Variants in KCNB2 observed in about 807,000 individuals in gnomAD.
The protein encoded by KCNB2 is potassium voltage-gated channel subfamily B member 2.
Under a neutral mutation model 61.5 loss-of-function variants are expected in KCNB2, and 15 were observed. The ratio of observed to expected loss-of-function variants is 0.24; its 90% CI spans 0.16 to 0.38. The LOEUF (loss-of-function observed/expected upper bound fraction) is 0.38. KCNB2 is among the 10% of genes least tolerant of loss of function. The pLI is 1.00. For missense variants in KCNB2, 828 were observed against 1,125.2 expected (o/e 0.74, Z 3.78); for synonymous variants, 457 against 446.0 (o/e 1.02, Z -0.31).
intron 2 of KCNB2, among the ~76,000 whole-genome samples, chr8:72,796,193 TG>T (rs1809028572): frequency 6.6e-6 from 1 of 152,282 alleles, no homozygotes; most frequent in South Asian, 2.1e-4. Context: ...TGTTCAGGTT[TG>T]TTTGTCGTGG....
intron 2 of KCNB2, among the ~76,000 whole-genome samples, chr8:72,725,529 ATATATATATATG>A (rs756639328): frequency 0.052 from 4,304 of 82,302 alleles, 233 homozygotes; most frequent in South Asian, 0.14. Flanking sequence ...ATATATATAT[ATATATATATATG>A]TGTGTATATA....
intron 2 of KCNB2, among the ~76,000 whole-genome samples, chr8:72,627,226 C>A (rs148810928): frequency 6.6e-6 from 1 of 152,124 alleles, no homozygotes; most frequent in Non-Finnish European, 1.5e-5. Context: ...GAAGAGGATG[C>A]AAAAACTTGA....
chr8:72,546,290 T>C (rs1270655950), intron 1 of KCNB2, among the ~76,000 whole-genome samples: 1 of 151,908 alleles, frequency 6.6e-6, no homozygotes, highest in Non-Finnish European at 1.5e-5. Context: ...CCGAGGCAGG[T>C]GGATCACAAG....
intron 2 of KCNB2, among the ~76,000 whole-genome samples, chr8:72,885,639 T>A (rs145388459): frequency 0.015 from 2,228 of 152,280 alleles, 53 homozygotes; most frequent in African/African-American, 0.05. Flanking sequence ...GTATTAGTAG[T>A]TATATCCACT....
chr8:72,637,469 CAG>C (rs775415427), intron 2 of KCNB2, among the ~76,000 whole-genome samples: 22 of 152,064 alleles, frequency 1.4e-4, no homozygotes, highest in Non-Finnish European at 2.8e-4. Context: ...CCTTTTCTAT[CAG>C]ATGATCTCTA....
At chr8:72,894,312 G>A (rs1275166971) in intron 2 of KCNB2, among the ~76,000 whole-genome samples, 2 of 152,130 alleles carry the variant, frequency 1.3e-5, no homozygotes, top group Non-Finnish European at 2.9e-5. Flanking sequence ...CAAGGTGGAG[G>A]GGGAAGGAGA....
intron 2 of KCNB2, among the ~76,000 whole-genome samples, chr8:72,858,025 A>G (rs1810235117): frequency 6.6e-6 from 1 of 152,208 alleles, no homozygotes; most frequent in Non-Finnish European, 1.5e-5. Flanking sequence ...TAGAGTTAAA[A>G]TAGAGTTAGT....
intron 2 of KCNB2, among the ~76,000 whole-genome samples, chr8:72,617,463 A>G (rs1365022943): frequency 6.6e-6 from 1 of 152,144 alleles, no homozygotes; most frequent in Non-Finnish European, 1.5e-5. Flanking sequence ...AACTCCAGAG[A>G]GACCTGAAGA....
At chr8:72,883,654 C>G (rs72653533) in intron 2 of KCNB2, among the ~76,000 whole-genome samples, 50,781 of 151,982 alleles carry the variant, frequency 0.33, 9,142 homozygotes, top group Admixed American at 0.41. Flanking sequence ...CCCCCAGTAT[C>G]CCTCCCCAAT....
At chr8:72,722,505 C>T (rs1807567808) in intron 2 of KCNB2, among the ~76,000 whole-genome samples, 1 of 152,210 alleles carries the variant, frequency 6.6e-6, no homozygotes, top group African/African-American at 2.4e-5. Context: ...GCTCAGACTG[C>T]TCTTACCACT....
chr8:72,905,144 T>C (rs928204792), intron 2 of KCNB2, among the ~76,000 whole-genome samples: 2 of 152,194 alleles, frequency 1.3e-5, no homozygotes, highest in African/African-American at 2.4e-5. Flanking sequence ...TAAAAGTTTA[T>C]CAAAATCTCT....
intron 2 of KCNB2, among the ~76,000 whole-genome samples, chr8:72,689,295 A>T (rs779808755): frequency 4.6e-5 from 7 of 152,236 alleles, no homozygotes; most frequent in Non-Finnish European, 1.0e-4. Context: ...GGTGGAAATG[A>T]ATAGACACAC....
chr8:72,935,027 A>G (rs970126815), intron 2 of KCNB2, among the ~76,000 whole-genome samples: 2 of 152,122 alleles, frequency 1.3e-5, no homozygotes, highest in African/African-American at 4.8e-5. Context: ...TGTAATTTTT[A>G]TAACAGCTGC....
chr8:72,919,974 T>C (rs1806477088), intron 2 of KCNB2, among the ~76,000 whole-genome samples: 1 of 152,198 alleles, frequency 6.6e-6, no homozygotes, highest in Admixed American at 6.5e-5. Flanking sequence ...ATCTCAATGC[T>C]ATCACCTCTA....
intron 2 of KCNB2, among the ~76,000 whole-genome samples, chr8:72,634,567 G>A (rs1244792841): frequency 6.6e-6 from 1 of 152,114 alleles, no homozygotes; most frequent in Non-Finnish European, 1.5e-5. Context: ...TACGTTAAAT[G>A]TATTCATATT....
At chr8:72,605,048 C>T (rs1805423286) in intron 2 of KCNB2, among the ~76,000 whole-genome samples, 1 of 152,142 alleles carries the variant, frequency 6.6e-6, no homozygotes. Context: ...TTGGAGACAG[C>T]CAATCAACCT....
intron 2 of KCNB2, among the ~76,000 whole-genome samples, chr8:72,768,994 C>G (rs62518141): frequency 0.14 from 21,415 of 150,332 alleles, 1,829 homozygotes; most frequent in South Asian, 0.31. Context: ...AACCCCGTCT[C>G]TACTAAAAAC....
chr8:72,909,185 G>A (rs1474649741), intron 2 of KCNB2, among the ~76,000 whole-genome samples: 1 of 152,160 alleles, frequency 6.6e-6, no homozygotes, highest in African/African-American at 2.4e-5. Flanking sequence ...GTTCTGATAG[G>A]GAAGGCACAG....
chr8:72,623,143 GCAGT>G (rs1805737142), intron 2 of KCNB2, among the ~76,000 whole-genome samples: 1 of 152,230 alleles, frequency 6.6e-6, no homozygotes, highest in Non-Finnish European at 1.5e-5. Flanking sequence ...GACTTCTGTT[GCAGT>G]CAGTCAGAGT....
Sources: gnomAD v4.1 joint callset for allele counts (sites outside exome capture counted in the v4.1 genomes callset) on GRCh38, gnomAD v4.1.1 for gene constraint, MANE v1.5 for transcripts, NCBI Gene and HGNC (gene_info 2026-07-23, HGNC 2026-07-21) for gene names.